The following EPS15L1 variants were observed in gnomAD, a reference collection of about 807,000 sequenced individuals.
EPS15L1 encodes epidermal growth factor receptor substrate 15-like 1.
EPS15L1 carries 43 observed loss-of-function variants against 117.1 expected under a neutral mutation model. The ratio of observed to expected loss-of-function variants is 0.37; its 90% confidence interval spans 0.29 to 0.47. The LOEUF (loss-of-function observed/expected upper bound fraction) is 0.47. Among genes scored for constraint, EPS15L1 ranks in the 20% least tolerant of loss-of-function variants. The probability of loss-of-function intolerance (pLI) is 0.99; values close to 1 mark genes in which losing one functional copy is unlikely to be tolerated. For synonymous variants in EPS15L1, 459 were observed against 470.5 expected, an observed-to-expected ratio of 0.98 and a Z score of 0.32; for missense variants, 981 against 1,164.0, an observed-to-expected ratio of 0.84 and a Z score of 2.29.
rs1005716977 is a variant in EPS15L1 at position 16,370,196 on chromosome 19, C to T, written c.2380+6926G>A. Among the ~76,000 whole-genome samples the T allele has an allele frequency of 6.6e-6, 1 of 152,170 alleles. No individual in the cohort carries two copies. Among genetic ancestry groups the T allele is most frequent in the Non-Finnish European group, 1.5e-5 (1 of 68,034 alleles). On this transcript the variant is annotated intron_variant, in intron 22 of 23. Coordinates refer to ENST00000455140, the MANE Select transcript of EPS15L1 (RefSeq NM_001258374.3). This position sits in a 1 kb window ranked among gnomAD's most constrained non-coding sequence, Gnocchi z 5.2. ...GGGACACTTTTGCTCTCTTTATGGC[C>T]AGATTCCCCATTGCCCGAGTGCATG...
chr19:16,421,273 C>T, intron 10 of EPS15L1, 46 bp downstream of exon 10: 1 of 1,570,672 alleles, frequency 6.4e-7, no homozygotes, highest in East Asian at 2.3e-5. Flanking sequence ...ACCCACAGGC[C>T]CCCTGGAGCC....
intron 1 of EPS15L1, among the ~76,000 whole-genome samples, chr19:16,468,547 T>C (rs2093322928): frequency 6.7e-6 from 1 of 149,248 alleles, no homozygotes; most frequent in Non-Finnish European, 1.5e-5. Context: ...GGTTTTGCTA[T>C]GTTGGCCAGG....
chr19:16,413,769 T>C lies in EPS15L1; in HGVS notation c.1266+4A>G, dbSNP rs779966074. 3 of 1,613,022 alleles carry C rather than the reference T, an allele frequency of 1.9e-6. No homozygotes were observed. Among genetic ancestry groups the C allele is most frequent in the African/African-American group, 1.3e-5 (1 of 74,926 alleles). On this transcript the variant is annotated splice_donor_region_variant and intron_variant, in intron 13 of 23. Transcript: ENST00000455140. ...GATGTAACCAAAACGAACGAGACCC[T>C]TACCTGCACCTCGCTGGTTTTCTGT...
chr19:16,457,123 C>CA (rs2093205180), intron 1 of EPS15L1, among the ~76,000 whole-genome samples: 1 of 152,206 alleles, frequency 6.6e-6, no homozygotes, highest in African/African-American at 2.4e-5. Flanking sequence ...CAGCGACTCA[C>CA]AATGCAGACA....
chr19:16,355,912 G>T, intron 23 of EPS15L1, 61 bp from the exon 24 acceptor site: 1 of 1,515,206 alleles, frequency 6.6e-7, no homozygotes. Context: ...GCAAGCTGGA[G>T]GGAGGCAGGG....
At chr19:16,434,933 CTCTT>C (rs1389964356) in intron 6 of EPS15L1, 3 of 150,150 alleles carry the variant, frequency 2.0e-5, no homozygotes, top group Non-Finnish European at 2.9e-5. Flanking sequence ...ACAGGAAGTC[CTCTT>C]TTTTTTTTTT....
At chr19:16,442,263 C>G in intron 1 of EPS15L1, 44 bp from the exon 2 acceptor site, 1 of 1,574,606 alleles carries the variant, frequency 6.4e-7, no homozygotes, top group Admixed American at 1.7e-5. Flanking sequence ...GAACACAACC[C>G]CTTGGGGAAA....
intron 22 of EPS15L1, among the ~76,000 whole-genome samples, chr19:16,364,526 G>A (rs936928532): frequency 1.3e-5 from 2 of 152,144 alleles, no homozygotes; most frequent in South Asian, 4.1e-4. Context: ...CGCAGACCCC[G>A]GGCTGGTTCC....
chr19:16,403,586 G>A, intron 15 of EPS15L1, 147 bp downstream of exon 15: 1 of 745,178 alleles, frequency 1.3e-6, no homozygotes, highest in South Asian at 1.7e-5. Flanking sequence ...CCTTGGCCCT[G>A]CGCCTCCAGG....
At chr19:16,440,204 G>A (rs1034841782) in intron 4 of EPS15L1, among the ~76,000 whole-genome samples, 1 of 152,072 alleles carries the variant, frequency 6.6e-6, no homozygotes, top group African/African-American at 2.4e-5. Flanking sequence ...AGGCCGAGGT[G>A]GGCAGATCAC....
chr19:16,385,283 T>C (rs945327099), intron 20 of EPS15L1, 72 bp from the exon 21 acceptor site: 6 of 1,273,492 alleles, frequency 4.7e-6, no homozygotes, highest in South Asian at 2.4e-5. Flanking sequence ...GGAGGGGAAA[T>C]GCTAGATGGC....
chr19:16,419,230 G>A (rs1013184431), intron 10 of EPS15L1, among the ~76,000 whole-genome samples: 1 of 152,184 alleles, frequency 6.6e-6, no homozygotes, highest in African/African-American at 2.4e-5. Flanking sequence ...GAGCTGAGGC[G>A]GGCAGATCAC....
At chr19:16,410,354 G>A (rs1421980210) in intron 13 of EPS15L1, among the ~76,000 whole-genome samples, 1 of 152,162 alleles carries the variant, frequency 6.6e-6, no homozygotes, top group Non-Finnish European at 1.5e-5. Context: ...AAGGAAAAAC[G>A]GGAAATGGGT....
At position 16,413,863 on chromosome 19, in the gene EPS15L1, T is replaced by C; in HGVS notation, c.1194-18A>G. On this transcript the variant is annotated intron_variant, in intron 12 of 23. Coordinates refer to ENST00000455140, the MANE Select transcript of EPS15L1 (RefSeq NM_001258374.3). The stretch of plus-strand genomic sequence containing the variant: ...ATTTCTCTCTGAATGTTTAAAAATA[T>C]TTCATGAAAACAAGAGTGAATAATA... 5.6e-6 allele frequency: 9 copies of C among 1,597,034 alleles called. No individual in the cohort carries two copies. The highest frequency in any genetic ancestry group is 2.7e-5 in the African/African-American group (2 of 74,680).
intron 1 of EPS15L1, among the ~76,000 whole-genome samples, chr19:16,453,166 C>T (rs2093162668): frequency 6.6e-6 from 1 of 152,126 alleles, no homozygotes; most frequent in African/African-American, 2.4e-5. Context: ...GTGGTGCCAT[C>T]ATAGCTCACT....
At chr19:16,375,855 G>A (rs2144694711) in intron 22 of EPS15L1, among the ~76,000 whole-genome samples, 1 of 152,300 alleles carries the variant, frequency 6.6e-6, no homozygotes. Flanking sequence ...CCAGCCCAGG[G>A]GACAGGAGGA....
rs756869570 is a variant in EPS15L1 at position 16,436,963 on chromosome 19, A to C, written c.346T>G (p.Ser116Ala). 1.9e-6 allele frequency: 3 copies of C among 1,614,094 alleles called. No individual in the cohort carries two copies. The highest frequency in any genetic ancestry group is 2.5e-6 in the Non-Finnish European group (3 of 1,179,932). The change falls in exon 6 of 24, where the codon TCT (serine) becomes GCT (alanine). Residue 116 changes from serine (S) to alanine (A), a missense_variant. Physicochemically the swap from Ser to Ala is moderately conservative, Grantham distance 99 (BLOSUM62 1). Coordinates refer to ENST00000455140, the MANE Select transcript of EPS15L1 (RefSeq NM_001258374.3). ...TSSPLMVTPP[S>A]AEAHWAVRVE... ...CTCACAGCCCAGTGGGCCTCTGCAG[A>C]GGGCGGTGTGACCATCAGAGGGCTG... is the stretch of plus-strand genomic sequence containing the variant.
intron 21 of EPS15L1, among the ~76,000 whole-genome samples, chr19:16,379,590 C>T (rs904580123): frequency 2.6e-5 from 4 of 152,096 alleles, no homozygotes; most frequent in Admixed American, 2.0e-4. Context: ...CTAGTCACAC[C>T]GATGCAGCTG....
chr19:16,436,884 G>T, intron 6 of EPS15L1, 53 bp downstream of exon 6: 1 of 1,395,352 alleles, frequency 7.2e-7, no homozygotes, highest in Non-Finnish European at 1.0e-6. Flanking sequence ...ACAACTGCTG[G>T]AACAATTCTA....
Sources: gnomAD v4.1 joint callset for allele counts (sites outside exome capture counted in the v4.1 genomes callset) on GRCh38, gnomAD v4.1.1 for gene constraint, Gnocchi (gnomAD v3.1) non-coding constraint, MANE v1.5 for transcripts, NCBI Gene and HGNC (gene_info 2026-07-23, HGNC 2026-07-21) for gene names.